STXBP5L: variants seen among roughly 807,000 people sequenced by gnomAD.
STXBP5L encodes the protein syntaxin-binding protein 5-like.
In STXBP5L, 65 loss-of-function variants were observed where a neutral mutation model predicts 144.5. The ratio of observed to expected loss-of-function variants is 0.45; its 90% CI spans 0.37 to 0.55. STXBP5L has a LOEUF of 0.55. Ranked by LOEUF, STXBP5L falls within the 20% of genes least tolerant of loss-of-function variation. STXBP5L has a pLI of 0.00. For missense variants in STXBP5L, 1,298 were observed against 1,405.5 expected (o/e 0.92, Z 1.22); for synonymous variants, 505 against 469.6 (o/e 1.08, Z -0.97).
intron 5 of STXBP5L, among the ~76,000 whole-genome samples, chr3:121,080,746 GC>G (rs1270445451): frequency 2.0e-5 from 3 of 152,146 alleles, no homozygotes; most frequent in Non-Finnish European, 4.4e-5. Context: ...GTTATCTGAT[GC>G]TTTTGTCTCA....
intron 20 of STXBP5L, among the ~76,000 whole-genome samples, chr3:121,344,219 C>A (rs917877148): frequency 6.6e-6 from 1 of 152,024 alleles, no homozygotes; most frequent in Admixed American, 6.6e-5. Flanking sequence ...AAACTGGATC[C>A]CTTCCTTACA....
intron 9 of STXBP5L, among the ~76,000 whole-genome samples, chr3:121,176,345 C>G (rs2046931657): frequency 6.6e-6 from 1 of 151,434 alleles, no homozygotes; most frequent in African/African-American, 2.4e-5. Flanking sequence ...AAGATGAAAT[C>G]AAACCCAAAG....
At chr3:120,959,255 T>C (rs200879122) in intron 3 of STXBP5L, among the ~76,000 whole-genome samples, 1 of 152,090 alleles carries the variant, frequency 6.6e-6, no homozygotes. Flanking sequence ...TTAAAGAGGA[T>C]ACAAACAAAT....
rs2042873238 is a variant in STXBP5L at position 121,092,594 on chromosome 3, A to T, written c.471-22331A>T. ...GTTTGTCTGTTATTGGTGTATAAGA[A>T]TGCTTGTGATTTTTGTACATTGATT... On this transcript the variant is annotated intron_variant, in intron 5 of 26. Coordinates refer to ENST00000471454, the MANE Select transcript of STXBP5L (RefSeq NM_001308330.2). 2.0e-5 allele frequency among the ~76,000 whole-genome samples: 3 copies of T among 152,140 alleles called. No individual in the cohort carries two copies. In the South Asian group the frequency reaches 6.2e-4, roughly 32 times the overall value.
At chr3:121,090,844 T>G (rs2042747164) in intron 5 of STXBP5L, among the ~76,000 whole-genome samples, 1 of 152,092 alleles carries the variant, frequency 6.6e-6, no homozygotes, top group Non-Finnish European at 1.5e-5. Context: ...TAGTTACATA[T>G]GTATACATGT....
chr3:120,977,674 G>C, intron 3 of STXBP5L, among the ~76,000 whole-genome samples: 1 of 152,134 alleles, frequency 6.6e-6, no homozygotes, highest in Non-Finnish European at 1.5e-5. Context: ...ATTTTGCAGT[G>C]GCTGGTACCA....
intron 9 of STXBP5L, among the ~76,000 whole-genome samples, chr3:121,191,318 A>G (rs936047270): frequency 6.6e-6 from 1 of 152,122 alleles, no homozygotes; most frequent in African/African-American, 2.4e-5. Context: ...CTGGCAGATC[A>G]CTCGCGGTCA....
chr3:121,182,243 A>G (rs1045672916), intron 9 of STXBP5L, among the ~76,000 whole-genome samples: 4 of 152,228 alleles, frequency 2.6e-5, no homozygotes, highest in African/African-American at 9.6e-5. Context: ...CACGTGGAAC[A>G]TTCTCCAAGA....
intron 7 of STXBP5L, among the ~76,000 whole-genome samples, chr3:121,138,680 T>C (rs2045364633): frequency 6.6e-6 from 1 of 152,068 alleles, no homozygotes; most frequent in African/African-American, 2.4e-5. Context: ...CCTTAATAAA[T>C]AATATTGGGA....
chr3:121,050,501 G>C lies in STXBP5L; in HGVS notation c.470+4966G>C, dbSNP rs1204689964. On this transcript the variant is annotated intron_variant, in intron 5 of 26. Transcript: ENST00000471454. ...GCCAAACTAAGCTTCATAATTGAAG[G>C]AGAAATAAAATACTTTACAGACAAG... Among the ~76,000 whole-genome samples, 7 of 152,150 alleles carry C rather than the reference G, an allele frequency of 4.6e-5. No homozygotes were observed. The South Asian group carries it at 6.2e-4, about 14-fold the overall frequency.
chr3:121,357,931 A>G (rs2045581872), intron 20 of STXBP5L: 1 of 152,202 alleles, frequency 6.6e-6, no homozygotes, highest in Admixed American at 6.5e-5. Flanking sequence ...GAAGTGGAAA[A>G]GCAATATTTT....
chr3:121,289,941 C>A (rs2051366255), intron 19 of STXBP5L, among the ~76,000 whole-genome samples: 7 of 151,936 alleles, frequency 4.6e-5, no homozygotes, highest in Admixed American at 3.3e-4. Flanking sequence ...AGCATTAATG[C>A]CTACATCAAA....
chr3:121,267,176 G>T (rs1188897814), intron 18 of STXBP5L, among the ~76,000 whole-genome samples: 2 of 152,200 alleles, frequency 1.3e-5, no homozygotes, highest in Non-Finnish European at 2.9e-5. Flanking sequence ...CAAGGCTACA[G>T]TAACCAAAAC....
intron 7 of STXBP5L, among the ~76,000 whole-genome samples, chr3:121,133,480 C>A (rs569690861): frequency 2.8e-4 from 43 of 152,140 alleles, no homozygotes; most frequent in African/African-American, 9.9e-4. Context: ...GCAATATATT[C>A]ACATCCTAAA....
chr3:121,329,068 T>C (rs998272169), intron 20 of STXBP5L, among the ~76,000 whole-genome samples: 1 of 152,092 alleles, frequency 6.6e-6, no homozygotes, highest in Non-Finnish European at 1.5e-5. Context: ...ATATATATAA[T>C]GTACATTTGT....
At chr3:120,977,093 T>A (rs9849805) in intron 3 of STXBP5L, among the ~76,000 whole-genome samples, 1 of 152,144 alleles carries the variant, frequency 6.6e-6, no homozygotes, top group African/African-American at 2.4e-5. Flanking sequence ...CAATTCCTGG[T>A]TATCCTTGTT....
intron 5 of STXBP5L, among the ~76,000 whole-genome samples, chr3:121,109,687 A>G (rs1228617143): frequency 6.6e-6 from 1 of 152,156 alleles, no homozygotes; most frequent in South Asian, 2.1e-4. Context: ...AAAATAATGT[A>G]TATTCTGCTG....
At chr3:121,372,960 G>A (rs2046076179) in intron 20 of STXBP5L, among the ~76,000 whole-genome samples, 2 of 152,118 alleles carry the variant, frequency 1.3e-5, no homozygotes, top group Non-Finnish European at 2.9e-5. Context: ...TAAATTGGAG[G>A]TAGAAACTAC....
chr3:121,063,902 G>A (rs879674865), intron 5 of STXBP5L, among the ~76,000 whole-genome samples: 2 of 152,084 alleles, frequency 1.3e-5, no homozygotes, highest in Non-Finnish European at 2.9e-5. Flanking sequence ...AGAGTTTCAA[G>A]CCAGTAGATC....
Sources: allele counts gnomAD v4.1 joint callset (sites outside exome capture counted in the v4.1 genomes callset), GRCh38; gene constraint gnomAD v4.1.1; transcripts MANE v1.5; gene names NCBI Gene and HGNC (gene_info 2026-07-23, HGNC 2026-07-21).